Variants in SYNRG observed in about 807,000 individuals in gnomAD.
The protein encoded by SYNRG is AP1 gamma subunit binding protein 1.
Under a neutral mutation model 130.9 loss-of-function variants are expected in SYNRG, and 37 were observed. The ratio of observed to expected loss-of-function variants is 0.28; its 90% CI spans 0.22 to 0.37. The LOEUF (loss-of-function observed/expected upper bound fraction) is 0.37. Ranked by LOEUF, SYNRG falls within the 10% of genes least tolerant of loss-of-function variation. The probability of loss-of-function intolerance (pLI) is 1.00; values close to 1 mark genes in which losing one functional copy is unlikely to be tolerated. For synonymous variants in SYNRG, 539 were observed against 568.1 expected (o/e 0.95, Z 0.73); for missense variants, 1,338 against 1,588.9 (o/e 0.84, Z 2.68).
chr17:37,529,929 C>G, intron 19 of SYNRG: 1 of 1,270,936 alleles, frequency 7.9e-7, no homozygotes, highest in Non-Finnish European at 1.1e-6. Flanking sequence ...CAGTAAGAAC[C>G]GATTGCCACC....
rs184899732 is a variant in SYNRG, at chr17:37,591,920, T to C, written c.240+4303A>G. Among the ~76,000 whole-genome samples the C allele has an allele frequency of 2.3e-3, 348 of 152,252 alleles. 3 individuals are homozygous for C. The highest frequency in any genetic ancestry group is 2.0e-3 in the Non-Finnish European group (134 of 68,006). ...CAATGAACTCTTAGAGTTATACCAA[T>C]GCATGATCCATAATAGGAAAAACTG... is the stretch of plus-strand genomic sequence containing the variant. On this transcript the variant is annotated intron_variant, in intron 3 of 21. Transcript: ENST00000612223.
chr17:37,609,245 G>A (rs1002361250), intron 1 of SYNRG, 34 bp downstream of exon 1: 5 of 1,409,464 alleles, frequency 3.5e-6, no homozygotes, highest in African/African-American at 1.5e-5. Flanking sequence ...CCCCGCGGAG[G>A]CCAGCGGGCT....
At chr17:37,575,051 A>G (rs2060709593) in intron 8 of SYNRG, among the ~76,000 whole-genome samples, 1 of 152,146 alleles carries the variant, frequency 6.6e-6, no homozygotes, top group Non-Finnish European at 1.5e-5. Context: ...CCAGGCATAG[A>G]AAGACAAATT....
chr17:37,568,878 G>C lies in SYNRG; in HGVS notation c.1394C>G (p.Ser465Cys), dbSNP rs1469187105. ...EDDFQDFQDA[S>C]KSGSLDDSFS... The stretch of plus-strand genomic sequence containing the variant: ...TGAGTCATCAAGGGATCCTGACTTA[G>C]AAGCATCTTGAAAATCCTGGAAGTC... Residue 465 changes from serine to cysteine, a missense_variant, in exon 11 of 22, where the codon TCT (serine) becomes TGT (cysteine). Transcript: ENST00000612223. The C allele has an allele frequency of 1.2e-6, 2 of 1,613,894 alleles. No individual in the cohort carries two copies. Among genetic ancestry groups the C allele is most frequent in the African/African-American group, 1.3e-5 (1 of 74,934 alleles).
chr17:37,590,167 C>CA (rs539326843), intron 3 of SYNRG, among the ~76,000 whole-genome samples: 6,226 of 79,822 alleles, frequency 0.078, 238 homozygotes, highest in Admixed American at 0.24. Context: ...GACTCTGTCT[C>CA]AAAAAAAAAA....
chr17:37,557,965 T>C (rs1225444116), intron 13 of SYNRG, among the ~76,000 whole-genome samples: 3 of 152,220 alleles, frequency 2.0e-5, no homozygotes, highest in African/African-American at 7.2e-5. Flanking sequence ...TAATACCATA[T>C]TACACAAGAA....
intron 14 of SYNRG, among the ~76,000 whole-genome samples, chr17:37,543,945 A>G (rs1319310217): frequency 2.0e-5 from 3 of 152,260 alleles, no homozygotes; most frequent in Admixed American, 2.0e-4. Flanking sequence ...GTGATTTACA[A>G]GGAAAGTGCT....
In SYNRG at chr17:37,596,339, G is replaced by T. The variant is rs2062771539; in HGVS notation, c.124C>A (p.Leu42Met). The change falls in exon 3 of 22, where the codon CTG becomes ATG. Residue 42 changes from leucine (L) to methionine (M), a missense_variant. By Grantham distance (15) the Leu-to-Met change is conservative. This residue lies in a region of SYNRG where 184 missense variants were observed against 217.2 expected (regional missense o/e 0.85). Transcript: ENST00000612223. ...AATCCTTGTTGCTGCATCGGCATCA[G>T]GCCTGCTGAAAATATAAAGACATTA... Reference protein sequence around the residue: ...AGGIRPPQAGLMPMQQQGFPM... With the variant: ...AGGIRPPQAGMMPMQQQGFPM... The T allele has an allele frequency of 6.2e-7, 1 of 1,613,660 alleles. No homozygotes were observed. Among genetic ancestry groups the T allele is most frequent in the Non-Finnish European group, 8.5e-7 (1 of 1,179,886 alleles).
intron 6 of SYNRG, among the ~76,000 whole-genome samples, chr17:37,579,980 A>C (rs1351968484): frequency 1.3e-5 from 2 of 152,032 alleles, no homozygotes; most frequent in African/African-American, 4.8e-5. Flanking sequence ...TTAGATTAAT[A>C]ATTTTTCCCC....
rs963167331 is a variant in SYNRG, at chr17:37,516,929, T to C, written c.*2011A>G. ...AGATTCTGCTGTCATGGTTCTGTTA[T>C]GAAATTTAGGCCAGGCGCAGTGGCT... On this transcript the variant is annotated 3_prime_UTR_variant, in exon 22 of 22. Transcript: ENST00000612223. The C allele has an allele frequency of 7.9e-5, 12 of 152,284 alleles. No individual in the cohort carries two copies. Among genetic ancestry groups the C allele is most frequent in the Admixed American group, 5.2e-4 (8 of 15,278 alleles). The allele number at this position is 152,284 out of a possible 1,614,324, so 9.4% of individuals were successfully genotyped here.
At chr17:37,540,630 C>A in intron 15 of SYNRG, 87 bp from the exon 16 acceptor site, 1,117 of 695,188 alleles carry the variant, frequency 1.6e-3, no homozygotes, top group Non-Finnish European at 2.1e-3. Flanking sequence ...CAACCCTCTT[C>A]TTTTTTTTTT....
At chr17:37,552,438 C>G (rs1291618269) in intron 14 of SYNRG, among the ~76,000 whole-genome samples, 1 of 152,136 alleles carries the variant, frequency 6.6e-6, no homozygotes, top group African/African-American at 2.4e-5. Flanking sequence ...AGAAAGTTAG[C>G]AGTTACCCTA....
In SYNRG at chr17:37,577,570, A is replaced by C. The variant is rs1568456487; in HGVS notation, c.633T>G (p.Ser211Arg). Reference sequence around the variant, plus strand: ...ATTTAATTTGTTCCTGCCCAGATGTACTTATATCACAAGATACTAGGAACT... The same window carrying C: ...ATTTAATTTGTTCCTGCCCAGATGTCCTTATATCACAAGATACTAGGAACT... ...EEKFLVSCDI[S>R]TSGQEQIKLN... Residue 211 changes from serine to arginine, a missense_variant, in exon 7 of 22, where the codon AGT (serine) becomes AGG (arginine). By Grantham distance (110) the Ser-to-Arg change is moderately radical. Coordinates refer to ENST00000612223, the MANE Select transcript of SYNRG (RefSeq NM_007247.6). The C allele has an allele frequency of 1.9e-6, 3 of 1,614,174 alleles. No individual in the cohort carries two copies. Among genetic ancestry groups the C allele is most frequent in the Non-Finnish European group, 2.5e-6 (3 of 1,180,020 alleles).
At chr17:37,602,535 C>T (rs1170498999) in intron 1 of SYNRG, among the ~76,000 whole-genome samples, 2 of 152,028 alleles carry the variant, frequency 1.3e-5, no homozygotes, top group African/African-American at 4.8e-5. Context: ...GAAGTAGTTA[C>T]CAGTGTCTAA....
intron 13 of SYNRG, among the ~76,000 whole-genome samples, chr17:37,560,303 C>G (rs1171141443): frequency 3.3e-5 from 5 of 151,824 alleles, no homozygotes; most frequent in Non-Finnish European, 7.4e-5. Flanking sequence ...ATCTTATCCC[C>G]CTTCTACTAG....
chr17:37,552,739 A>G (rs186952882), intron 14 of SYNRG, among the ~76,000 whole-genome samples: 9 of 152,320 alleles, frequency 5.9e-5, no homozygotes, highest in Admixed American at 2.0e-4. Flanking sequence ...AGAAAAAAGG[A>G]GAGGGAAACA....
At chr17:37,608,372 A>T (rs1028871807) in intron 1 of SYNRG, among the ~76,000 whole-genome samples, 1 of 152,352 alleles carries the variant, frequency 6.6e-6, no homozygotes, top group South Asian at 2.1e-4. Context: ...TTTACCTCCA[A>T]ATGTGTGTGC....
chr17:37,522,928 C>T (rs112626271), intron 19 of SYNRG, among the ~76,000 whole-genome samples: 12 of 152,076 alleles, frequency 7.9e-5, no homozygotes, highest in African/African-American at 2.4e-4. Context: ...TGTGAGCCAC[C>T]GTGCCTGGCC....
At position 37,604,342 on chromosome 17, in the gene SYNRG, C is replaced by T. The variant is rs529017181; in HGVS notation, c.78-3939G>A. On this transcript the variant is annotated intron_variant, in intron 1 of 21. Transcript: ENST00000612223. Reference sequence around the variant, plus strand: ...GCTAAAGCTTCTACATCAGCACTTGCTGCTTCACCTTGTACTTTTTTGTTA... The same window carrying T: ...GCTAAAGCTTCTACATCAGCACTTGTTGCTTCACCTTGTACTTTTTTGTTA... Among the ~76,000 whole-genome samples, 4 of 152,192 alleles carry T rather than the reference C, an allele frequency of 2.6e-5. No homozygotes were observed. In the South Asian group the frequency reaches 8.3e-4, roughly 32 times the overall value.
Sources: allele counts gnomAD v4.1 joint callset (sites outside exome capture counted in the v4.1 genomes callset), GRCh38; gene constraint gnomAD v4.1.1; regional missense constraint gnomAD v4.1.1; transcripts MANE v1.5; gene names NCBI Gene and HGNC (gene_info 2026-07-23, HGNC 2026-07-21).